Variants in UNC13C observed in about 807,000 individuals in gnomAD.
The protein encoded by UNC13C is protein unc-13 homolog C.
A neutral mutation model predicts 245.4 loss-of-function variants in UNC13C; 174 were observed. The ratio of observed to expected loss-of-function variants is 0.71; its 90% CI spans 0.63 to 0.80. The LOEUF is 0.80. Among genes scored for constraint, UNC13C ranks in the 30% least tolerant of loss-of-function variants. The pLI, the probability that UNC13C is intolerant of heterozygous loss-of-function variation, is 0.00. For synonymous variants in UNC13C, 992 were observed against 895.1 expected, an observed-to-expected ratio of 1.11 and a Z score of -1.93; for missense variants, 2,829 against 2,602.9, an observed-to-expected ratio of 1.09 and a Z score of -1.89.
In UNC13C at chr15:54,501,038, A is replaced by G. The variant is rs1470976160; in HGVS notation, c.5301+60A>G. The G allele has an allele frequency of 1.3e-5, 21 of 1,567,710 alleles. No individual in the cohort carries two copies. In the South Asian group the frequency reaches 1.9e-4, roughly 14 times the overall value. ...GGTCTGTGGCAATCTGAAAAATGCT[A>G]TTGTTTTGTGGTGTTAGTCTTCTCT... On this transcript the variant is annotated intron_variant, in intron 22 of 32. Coordinates refer to ENST00000260323, the MANE Select transcript of UNC13C (RefSeq NM_001080534.3).
intron 18 of UNC13C, among the ~76,000 whole-genome samples, chr15:54,406,606 T>C (rs1007812130): frequency 2.0e-5 from 3 of 152,172 alleles, no homozygotes; most frequent in Non-Finnish European, 4.4e-5. Flanking sequence ...TTTTCATCAG[T>C]TTGGAACTAC....
chr15:53,856,305 TTTTA>T, the UNC13C span, among the ~76,000 whole-genome samples: 1 of 151,964 alleles, frequency 6.6e-6, no homozygotes, highest in South Asian at 2.1e-4. Flanking sequence ...TATAATCTTG[TTTTA>T]TTTATTTATT....
chr15:54,148,135 G>C (rs1307307519), intron 4 of UNC13C, among the ~76,000 whole-genome samples: 2 of 152,162 alleles, frequency 1.3e-5, no homozygotes, highest in Non-Finnish European at 2.9e-5. Context: ...AAAATGAAGA[G>C]ACACTGTTGA....
At chr15:54,315,249 A>C (rs1413629481) in intron 13 of UNC13C, among the ~76,000 whole-genome samples, 2 of 151,582 alleles carry the variant, frequency 1.3e-5, no homozygotes, top group Non-Finnish European at 3.0e-5. Flanking sequence ...ATCCCCTGGT[A>C]CCTCTTCACT....
the UNC13C span, among the ~76,000 whole-genome samples, chr15:53,917,167 A>G: frequency 6.6e-6 from 1 of 152,188 alleles, no homozygotes; most frequent in Non-Finnish European, 1.5e-5. Context: ...TCCCCACACT[A>G]TCACTATGGG....
intron 30 of UNC13C, among the ~76,000 whole-genome samples, chr15:54,578,581 C>T (rs575154920): frequency 2.6e-5 from 4 of 152,332 alleles, no homozygotes; most frequent in East Asian, 3.9e-4. Context: ...CATTTGTTTA[C>T]ATCTAAAGTT....
intron 13 of UNC13C, chr15:54,321,125 C>T (rs1431117849): frequency 1.9e-6 from 1 of 515,978 alleles, no homozygotes; most frequent in East Asian, 5.4e-5. Context: ...GAGGCACTAG[C>T]CATCTCTTGC....
intron 17 of UNC13C, among the ~76,000 whole-genome samples, chr15:54,348,281 C>T: frequency 6.6e-6 from 1 of 152,124 alleles, no homozygotes; most frequent in East Asian, 1.9e-4. Context: ...CTACTTTTTC[C>T]CTTCCGCTAG....
At chr15:54,155,791 G>A (rs1002089669) in intron 4 of UNC13C, among the ~76,000 whole-genome samples, 4 of 152,088 alleles carry the variant, frequency 2.6e-5, no homozygotes, top group Non-Finnish European at 4.4e-5. Flanking sequence ...TGGAGAAGGT[G>A]GAATTAAATT....
chr15:53,900,174 C>T, the UNC13C span, among the ~76,000 whole-genome samples: 1 of 150,276 alleles, frequency 6.7e-6, no homozygotes, highest in Admixed American at 6.7e-5. Flanking sequence ...TAGAATGATA[C>T]CCTATGGATT....
the UNC13C span, among the ~76,000 whole-genome samples, chr15:53,840,586 C>T: frequency 2.0e-5 from 3 of 152,192 alleles, no homozygotes; most frequent in Admixed American, 6.6e-5. Flanking sequence ...GGTTCAAGAC[C>T]ATAGTAAGCA....
At chr15:54,352,567 C>T (rs2039008708) in intron 17 of UNC13C, among the ~76,000 whole-genome samples, 2 of 151,602 alleles carry the variant, frequency 1.3e-5, no homozygotes, top group African/African-American at 2.4e-5. Context: ...AGAACAGTGT[C>T]AAACAGAAGG....
intron 17 of UNC13C, among the ~76,000 whole-genome samples, chr15:54,361,882 A>G (rs955171967): frequency 6.6e-6 from 1 of 151,508 alleles, no homozygotes; most frequent in Non-Finnish European, 1.5e-5. Flanking sequence ...TAAATGCTAT[A>G]CCAGAATTAT....
intron 2 of UNC13C, among the ~76,000 whole-genome samples, chr15:54,139,126 A>AT (rs1360965230): frequency 2.6e-5 from 4 of 151,064 alleles, no homozygotes; most frequent in Non-Finnish European, 4.4e-5. Flanking sequence ...TGCCCAGCTA[A>AT]TTTTTGTATT....
chr15:53,900,783 C>T, the UNC13C span, among the ~76,000 whole-genome samples: 1 of 152,134 alleles, frequency 6.6e-6, no homozygotes, highest in Non-Finnish European at 1.5e-5. Context: ...CCCAAATCTG[C>T]AATCTTGATT....
At chr15:53,851,838 A>G in the UNC13C span, among the ~76,000 whole-genome samples, 1 of 152,202 alleles carries the variant, frequency 6.6e-6, no homozygotes, top group Non-Finnish European at 1.5e-5. Flanking sequence ...GAACATGTGG[A>G]GGTTGCTGGA....
intron 32 of UNC13C, among the ~76,000 whole-genome samples, chr15:54,625,575 A>G (rs1009700402): frequency 4.6e-5 from 7 of 152,288 alleles, no homozygotes; most frequent in East Asian, 1.9e-4. Flanking sequence ...GAATGGATAC[A>G]TGGAGAGGTT....
chr15:54,052,637 G>C (rs1759073855), intron 2 of UNC13C, among the ~76,000 whole-genome samples: 1 of 152,190 alleles, frequency 6.6e-6, no homozygotes, highest in Non-Finnish European at 1.5e-5. Context: ...CACGAAGAAA[G>C]GATGGCTTTC....
At chr15:54,462,449 G>A (rs1891897435) in intron 19 of UNC13C, among the ~76,000 whole-genome samples, 1 of 152,172 alleles carries the variant, frequency 6.6e-6, no homozygotes, top group African/African-American at 2.4e-5. Context: ...GCAGGGAGGT[G>A]TGGAGGGAGA....
Sources: allele counts gnomAD v4.1 joint callset (sites outside exome capture counted in the v4.1 genomes callset), GRCh38; gene constraint gnomAD v4.1.1; transcripts MANE v1.5; gene names NCBI Gene and HGNC (gene_info 2026-07-23, HGNC 2026-07-21).